SEC31A: variants seen among roughly 807,000 people sequenced by gnomAD.
SEC31A encodes the protein SEC31 homolog A, COPII component.
In SEC31A, 70 loss-of-function variants were observed where a neutral mutation model predicts 151.0. That is an observed-to-expected ratio of 0.46 (90% CI 0.38 to 0.57). SEC31A has a LOEUF of 0.57. SEC31A is among the 20% of genes least tolerant of loss of function. SEC31A has a pLI of 0.00. For missense variants in SEC31A, 1,330 were observed against 1,471.2 expected (o/e 0.90, Z 1.57); for synonymous variants, 475 against 505.9 (o/e 0.94, Z 0.82).
chr4:82,874,300 GAAA>G (rs5859840), intron 6 of SEC31A, among the ~76,000 whole-genome samples: 1 of 116,756 alleles, frequency 8.6e-6, no homozygotes. Flanking sequence ...TCCGTCTCAA[GAAA>G]AAAAAAAAAA....
At chr4:82,860,273 A>G (rs907976173) in intron 14 of SEC31A, among the ~76,000 whole-genome samples, 2 of 152,086 alleles carry the variant, frequency 1.3e-5, no homozygotes, top group African/African-American at 4.8e-5. Context: ...GGAAGATTTT[A>G]CCTCCTTAAA....
chr4:82,883,153 C>T (rs1739781647), intron 1 of SEC31A, among the ~76,000 whole-genome samples: 1 of 152,056 alleles, frequency 6.6e-6, no homozygotes, highest in African/African-American at 2.4e-5. Flanking sequence ...AAAATTACAA[C>T]GGTATAGTAT....
chr4:82,846,817 C>T (rs548828417), intron 20 of SEC31A, among the ~76,000 whole-genome samples: 8 of 152,060 alleles, frequency 5.3e-5, no homozygotes, highest in East Asian at 1.9e-4. Flanking sequence ...CGGGTTCAAG[C>T]GATTCTCCTG....
chr4:82,864,666 G>C lies in SEC31A; in HGVS notation c.1198-68C>G, dbSNP rs1734918016. ...TATGGCCAAAAAAAGTGCTTATAAAGTGGCCTAAACAGATAATCTGGATGA... is the reference window on the plus strand; with the variant it reads ...TATGGCCAAAAAAAGTGCTTATAAACTGGCCTAAACAGATAATCTGGATGA... On this transcript the variant is annotated intron_variant, in intron 10 of 26. Transcript: ENST00000395310. 7 of 1,324,274 alleles carry C rather than the reference G, an allele frequency of 5.3e-6. No homozygotes were observed. In the Admixed American group the frequency reaches 7.1e-5, roughly 13 times the overall value. The allele number at this position is 1,324,274 out of a possible 1,614,324, so 82.0% of individuals were successfully genotyped here. A position where few individuals can be genotyped will look rare whatever the true frequency, so the allele number is the denominator to read the frequency against.
At chr4:82,844,700 T>C (rs1425568630) in intron 20 of SEC31A, among the ~76,000 whole-genome samples, 191 bp from the exon 21 acceptor site, 1 of 152,260 alleles carries the variant, frequency 6.6e-6, no homozygotes, top group Non-Finnish European at 1.5e-5. Flanking sequence ...TTTTGAATGA[T>C]TAAAGATCAG....
At chr4:82,836,322 G>A (rs1727255887) in intron 22 of SEC31A, among the ~76,000 whole-genome samples, 2 of 141,220 alleles carry the variant, frequency 1.4e-5, no homozygotes, top group East Asian at 2.1e-4. Context: ...GCAGTGAGCC[G>A]AGATCGCCCC....
rs1732823010 is a variant in SEC31A, at chr4:82,856,951, C to G, written c.1881+1G>C. On this transcript the variant is annotated splice_donor_variant, in intron 16 of 26. Transcript: ENST00000395310. LOFTEE classifies it high-confidence loss of function. Reference sequence around the variant, plus strand: ...TATTGCTTATTTTTAAAATAACATACCCTGGTAATTTTGCTTTGGGATTTT... The same window carrying G: ...TATTGCTTATTTTTAAAATAACATAGCCTGGTAATTTTGCTTTGGGATTTT... 1.2e-6 allele frequency: 2 copies of G among 1,604,116 alleles called. No homozygotes were observed. The highest frequency in any genetic ancestry group is 1.7e-6 in the Non-Finnish European group (2 of 1,175,994).
intron 1 of SEC31A, among the ~76,000 whole-genome samples, chr4:82,882,401 CAAAAAAAAAAAAAAA>C (rs57974382): frequency 1.9e-4 from 18 of 92,478 alleles, no homozygotes; most frequent in South Asian, 1.9e-3. Flanking sequence ...GACTCTATCT[CAAAAAAAAAAAAAAA>C]AAAAAAAAAA....
In SEC31A at chr4:82,843,888, G is replaced by A. The variant is rs74925480; in HGVS notation, c.2626+498C>T. 972 of 152,838 alleles carry A rather than the reference G, an allele frequency of 6.4e-3. 9 individuals carry two copies. Among genetic ancestry groups the A allele is most frequent in the African/African-American group, 0.022 (919 of 41,538 alleles). 9.5% of individuals were successfully genotyped at this position (152,838 alleles called of 1,614,324 possible). On this transcript the variant is annotated intron_variant, in intron 21 of 26. Coordinates refer to ENST00000395310, the MANE Select transcript of SEC31A (RefSeq NM_001077207.4). The stretch of plus-strand genomic sequence containing the variant: ...ATTGTAACAAATACACCACTGTGGC[G>A]TAGGATGTCAATAGTGGGGGCACTC...
At position 82,853,718 on chromosome 4, in the gene SEC31A, G is replaced by A. The variant is rs777206709; in HGVS notation, c.2009-3C>T. 3 of 1,598,532 alleles carry A rather than the reference G, an allele frequency of 1.9e-6. No homozygotes were observed. The highest frequency in any genetic ancestry group is 2.7e-5 in the African/African-American group (2 of 73,978). Reference sequence around the variant, plus strand: ...TTCAAGCCTGGTTCCCAAAAGATCTGTAAGTAAGAGGAAAATAAAATAAGA... The same window carrying A: ...TTCAAGCCTGGTTCCCAAAAGATCTATAAGTAAGAGGAAAATAAAATAAGA... On this transcript the variant is annotated splice_region_variant and splice_polypyrimidine_tract_variant and intron_variant, in intron 17 of 26. Transcript: ENST00000395310.
intron 14 of SEC31A, among the ~76,000 whole-genome samples, chr4:82,859,323 A>G (rs1560629158): frequency 6.6e-6 from 1 of 152,220 alleles, no homozygotes; most frequent in Non-Finnish European, 1.5e-5. Context: ...TTAAAAATAA[A>G]CTCAATGCTT....
intron 22 of SEC31A, among the ~76,000 whole-genome samples, chr4:82,837,271 G>A (rs1046265125): frequency 6.9e-6 from 1 of 145,686 alleles, no homozygotes; most frequent in Non-Finnish European, 1.5e-5. Context: ...CTGTATGAAG[G>A]GAATAAATAA....
chr4:82,841,443 T>TAA (rs1728753563), intron 22 of SEC31A, among the ~76,000 whole-genome samples: 5 of 8,470 alleles, frequency 5.9e-4, no homozygotes, highest in African/African-American at 9.2e-4. Context: ...AAAAAAATTT[T>TAA]ATATATATAT....
At chr4:82,883,450 T>C (rs917504768) in intron 1 of SEC31A, among the ~76,000 whole-genome samples, 9 of 152,234 alleles carry the variant, frequency 5.9e-5, no homozygotes, top group African/African-American at 2.2e-4. Context: ...TTGTGCCTTT[T>C]CATACCACCA....
chr4:82,886,157 A>G (rs1392659747), intron 1 of SEC31A, among the ~76,000 whole-genome samples: 1 of 152,212 alleles, frequency 6.6e-6, no homozygotes, highest in East Asian at 1.9e-4. Context: ...TAGAAGAAAC[A>G]ATAACAAAGC....
chr4:82,840,228 T>C (rs1192120772), intron 22 of SEC31A, among the ~76,000 whole-genome samples: 1 of 152,156 alleles, frequency 6.6e-6, no homozygotes, highest in Non-Finnish European at 1.5e-5. Context: ...TGCCAGAACA[T>C]GTCCAATATG....
chr4:82,836,162 C>T (rs2149129716), intron 22 of SEC31A, among the ~76,000 whole-genome samples: 1 of 152,198 alleles, frequency 6.6e-6, no homozygotes, highest in East Asian at 1.9e-4. Context: ...ATCACAAGGT[C>T]AGGAGTTCGA....
At chr4:82,880,612 G>T in intron 3 of SEC31A, 187 bp downstream of exon 3, 7 of 440,560 alleles carry the variant, frequency 1.6e-5, no homozygotes, top group Non-Finnish European at 2.7e-5. Flanking sequence ...AAAAAAAAAA[G>T]TCAATAGAAC....
chr4:82,858,542 CAAAAAAAAAAAA>C (rs201988682), intron 14 of SEC31A, among the ~76,000 whole-genome samples: 150 of 62,944 alleles, frequency 2.4e-3, no homozygotes, highest in Non-Finnish European at 4.9e-3. Context: ...GACTCTGTCT[CAAAAAAAAAAAA>C]AAAAAAAAAA....
Sources: gnomAD v4.1 joint callset for allele counts (sites outside exome capture counted in the v4.1 genomes callset) on GRCh38, gnomAD v4.1.1 for gene constraint, MANE v1.5 for transcripts, NCBI Gene and HGNC (gene_info 2026-07-23, HGNC 2026-07-21) for gene names.